RANBP17: variants seen among roughly 807,000 people sequenced by gnomAD.
RANBP17 encodes ran-binding protein 17.
A neutral mutation model predicts 141.2 loss-of-function variants in RANBP17; 158 were observed. The observed-to-expected ratio is 1.12, with a 90% CI of 0.98 to 1.28. The LOEUF is 1.28. Among genes scored for constraint, RANBP17 ranks in the 50% most tolerant of loss-of-function variants. The probability of loss-of-function intolerance (pLI) is 0.00; values close to 1 mark genes in which losing one functional copy is unlikely to be tolerated. For synonymous variants in RANBP17, 430 were observed against 450.0 expected, an observed-to-expected ratio of 0.96 and a Z score of 0.56; for missense variants, 1,438 against 1,290.7, an observed-to-expected ratio of 1.11 and a Z score of -1.75.
intron 14 of RANBP17, among the ~76,000 whole-genome samples, chr5:170,999,499 ATAAACAATATTTGTAAACTAATATT>A (rs1201860575): frequency 6.6e-6 from 1 of 152,202 alleles, no homozygotes; most frequent in African/African-American, 2.4e-5. Flanking sequence ...CTATTAAACT[ATAAACAATATTTGTAAACTAATATT>A]TAAATAATTC....
intron 14 of RANBP17, among the ~76,000 whole-genome samples, chr5:171,007,105 G>T (rs1363807617): frequency 6.6e-6 from 1 of 152,108 alleles, no homozygotes; most frequent in African/African-American, 2.4e-5. Flanking sequence ...CTGGGGAAAG[G>T]GTAGAAGTTA....
At chr5:171,298,704 A>C (rs1768976836) in intron 27 of RANBP17, 58 bp from the exon 28 acceptor site, 1 of 1,401,614 alleles carries the variant, frequency 7.1e-7, no homozygotes, top group Admixed American at 1.7e-5. Flanking sequence ...TATCGTCCAG[A>C]AATTCATGGA....
intron 13 of RANBP17, among the ~76,000 whole-genome samples, chr5:170,967,493 A>G (rs1192217636): frequency 1.3e-5 from 2 of 151,868 alleles, no homozygotes; most frequent in Admixed American, 6.6e-5. Context: ...AATTTTAATG[A>G]AAATAGATAA....
chr5:171,088,175 G>A (rs1343380577), intron 14 of RANBP17, among the ~76,000 whole-genome samples: 1 of 151,632 alleles, frequency 6.6e-6, no homozygotes, highest in Non-Finnish European at 1.5e-5. Flanking sequence ...GACAAAATCG[G>A]TCAGCATTTG....
At chr5:171,186,580 A>G (rs1761267091) in intron 18 of RANBP17, among the ~76,000 whole-genome samples, 1 of 98,886 alleles carries the variant, frequency 1.0e-5, no homozygotes, top group Admixed American at 1.7e-4. Flanking sequence ...TCTGTCGCCC[A>G]GGCTGGAGTG....
chr5:170,896,146 T>C (rs912060266), intron 5 of RANBP17, 31 bp downstream of exon 5: 3 of 1,469,380 alleles, frequency 2.0e-6, no homozygotes, highest in African/African-American at 2.8e-5. Context: ...AACAGGAGCC[T>C]GAGTTTGCTT....
At chr5:171,132,849 A>T (rs1446583141) in intron 14 of RANBP17, among the ~76,000 whole-genome samples, 1 of 152,044 alleles carries the variant, frequency 6.6e-6, no homozygotes, top group Non-Finnish European at 1.5e-5. Flanking sequence ...ATGTGTTTCA[A>T]CTAAACTGTT....
chr5:171,140,623 G>C (rs1757623266), intron 14 of RANBP17, among the ~76,000 whole-genome samples: 1 of 152,184 alleles, frequency 6.6e-6, no homozygotes, highest in Non-Finnish European at 1.5e-5. Context: ...GAATCCCTGA[G>C]TACAGGGATG....
chr5:170,980,686 T>G (rs1195743879), intron 14 of RANBP17, among the ~76,000 whole-genome samples: 1 of 152,156 alleles, frequency 6.6e-6, no homozygotes, highest in Non-Finnish European at 1.5e-5. Flanking sequence ...TTTCAGAGGA[T>G]GTATAGAAAT....
chr5:171,137,727 A>G (rs1757410795), intron 14 of RANBP17, among the ~76,000 whole-genome samples: 1 of 152,060 alleles, frequency 6.6e-6, no homozygotes, highest in African/African-American at 2.4e-5. Context: ...GTTCAACTGT[A>G]TAATTGCATG....
intron 22 of RANBP17, among the ~76,000 whole-genome samples, chr5:171,228,539 G>C: frequency 6.6e-6 from 1 of 152,228 alleles, no homozygotes; most frequent in Non-Finnish European, 1.5e-5. Context: ...AGTTGATAAA[G>C]TGGCAGCAGA....
At chr5:170,926,491 C>G (rs1367144232) in intron 12 of RANBP17, among the ~76,000 whole-genome samples, 1 of 151,992 alleles carries the variant, frequency 6.6e-6, no homozygotes, top group Non-Finnish European at 1.5e-5. Context: ...TCCACCTCAC[C>G]ACTGGATTGC....
chr5:171,238,261 C>A (rs1191876392), intron 22 of RANBP17, among the ~76,000 whole-genome samples: 1 of 152,158 alleles, frequency 6.6e-6, no homozygotes, highest in Non-Finnish European at 1.5e-5. Context: ...TCTGATTTTT[C>A]ACACAAAAAA....
intron 14 of RANBP17, among the ~76,000 whole-genome samples, chr5:170,968,991 C>T (rs768321611): frequency 6.6e-6 from 1 of 151,708 alleles, no homozygotes; most frequent in African/African-American, 2.4e-5. Context: ...GTAAAATCTT[C>T]GCCATAAGAA....
At chr5:170,918,982 A>T (rs1862237) in intron 10 of RANBP17, 123 bp downstream of exon 10, 1 of 526,020 alleles carries the variant, frequency 1.9e-6, no homozygotes, top group East Asian at 3.4e-5. Flanking sequence ...AATGTTCATT[A>T]CAGGGTTTTA....
chr5:171,217,409 A>T (rs572589991), intron 21 of RANBP17, among the ~76,000 whole-genome samples: 13 of 152,126 alleles, frequency 8.5e-5, no homozygotes, highest in Admixed American at 1.3e-4. Flanking sequence ...TGGTATCAGG[A>T]TGATGGTGGC....
chr5:171,222,435 A>G (rs1228935510), intron 22 of RANBP17, among the ~76,000 whole-genome samples: 1 of 152,210 alleles, frequency 6.6e-6, no homozygotes, highest in Non-Finnish European at 1.5e-5. Flanking sequence ...TTATGTAGAT[A>G]AGGAATGGAG....
chr5:171,007,732 A>G (rs1158115322), intron 14 of RANBP17, among the ~76,000 whole-genome samples: 1 of 152,148 alleles, frequency 6.6e-6, no homozygotes, highest in African/African-American at 2.4e-5. Context: ...GGCCATTTAG[A>G]ACCATTGTCG....
chr5:171,268,677 A>G (rs959699518), intron 25 of RANBP17, among the ~76,000 whole-genome samples: 1 of 152,036 alleles, frequency 6.6e-6, no homozygotes, highest in African/African-American at 2.4e-5. Context: ...AAAAAAATTC[A>G]TGGATTGGCT....
Sources: gnomAD v4.1 joint callset for allele counts (sites outside exome capture counted in the v4.1 genomes callset) on GRCh38, gnomAD v4.1.1 for gene constraint, MANE v1.5 for transcripts, NCBI Gene and HGNC (gene_info 2026-07-23, HGNC 2026-07-21) for gene names.